Variants in RALGAPB observed in about 807,000 individuals in gnomAD.
RALGAPB encodes the protein ral GTPase-activating protein subunit beta.
RALGAPB carries 25 observed loss-of-function variants against 161.1 expected under a neutral mutation model. That is an observed-to-expected ratio of 0.16 (90% confidence interval 0.11 to 0.22). The LOEUF is 0.22. Among genes scored for constraint, RALGAPB ranks in the 10% least tolerant of loss-of-function variants. RALGAPB has a pLI of 1.00. For synonymous variants in RALGAPB, 629 were observed against 626.1 expected, an observed-to-expected ratio of 1.00 and a Z score of -0.07; for missense variants, 1,391 against 1,815.2, an observed-to-expected ratio of 0.77 and a Z score of 4.25.
At position 38,578,793 on chromosome 20, in the gene RALGAPB, A is replaced by G. The variant is rs1020126170; in HGVS notation, c.*3826A>G. On this transcript the variant is annotated 3_prime_UTR_variant, in exon 30 of 30. Transcript: ENST00000262879. ...TATTTATGCCGATCCTTTGTCCAGA[A>G]GAAGCCCATGGAATATTGAATGTAA... 10 of 152,660 alleles carry G rather than the reference A, an allele frequency of 6.6e-5. No homozygotes were observed. The highest frequency in any genetic ancestry group is 2.4e-4 in the African/African-American group (10 of 41,448). The allele number at this position is 152,660 out of a possible 1,614,324, so 9.5% of individuals were successfully genotyped here. A position where few individuals can be genotyped will look rare whatever the true frequency, so the allele number is the denominator to read the frequency against.
intron 17 of RALGAPB, among the ~76,000 whole-genome samples, chr20:38,540,695 GTC>G (rs999644551): frequency 6.6e-6 from 1 of 152,028 alleles, no homozygotes; most frequent in Non-Finnish European, 1.5e-5. Flanking sequence ...GATGGTGTCT[GTC>G]TCTCTGTGGT....
rs769352197 is a variant in RALGAPB at position 38,524,876 on chromosome 20, G to C, written c.1718G>C (p.Cys573Ser). The C allele has an allele frequency of 2.5e-6, 4 of 1,610,406 alleles. No homozygotes were observed. Among genetic ancestry groups the C allele is most frequent in the Non-Finnish European group, 3.4e-6 (4 of 1,176,546 alleles). ...CTAAACTCTCCTCCTTTGTTCTGCT[G>C]TGACTTGAAAGGGATTGATGTTGTG... ...VILNSPPLFCCDLKGIDVVVP... is the reference protein window; with the variant it reads ...VILNSPPLFCSDLKGIDVVVP... The change falls in exon 11 of 30, where the codon TGT becomes TCT. Residue 573 changes from cysteine to serine, a missense_variant. Cys to Ser is a moderately radical substitution (Grantham distance 112). Coordinates refer to ENST00000262879, the MANE Select transcript of RALGAPB (RefSeq NM_020336.4).
At chr20:38,557,272 C>A (rs2087616856) in intron 22 of RALGAPB, among the ~76,000 whole-genome samples, 1 of 152,194 alleles carries the variant, frequency 6.6e-6, no homozygotes, top group Non-Finnish European at 1.5e-5. Flanking sequence ...AGCTGTCATA[C>A]ACCTTCCCCA....
chr20:38,530,992 C>G (rs1453133454), intron 13 of RALGAPB, among the ~76,000 whole-genome samples, 175 bp from the exon 14 acceptor site: 1 of 150,818 alleles, frequency 6.6e-6, no homozygotes, highest in African/African-American at 2.4e-5. Flanking sequence ...TTGAAAAAAA[C>G]CTGCATATGT....
intron 5 of RALGAPB, 54 bp from the exon 6 acceptor site, chr20:38,509,023 T>C (rs2085854457): frequency 1.3e-6 from 2 of 1,570,766 alleles, no homozygotes; most frequent in Admixed American, 3.4e-5. Flanking sequence ...TATGCTTGAG[T>C]GTATTTTTCA....
chr20:38,521,459 A>G, intron 9 of RALGAPB, 38 bp from the exon 10 acceptor site: 1 of 1,612,034 alleles, frequency 6.2e-7, no homozygotes, highest in Non-Finnish European at 8.5e-7. Flanking sequence ...TACGTGGCAT[A>G]TTGCAAATAT....
chr20:38,508,187 A>G (rs140247288), intron 5 of RALGAPB, among the ~76,000 whole-genome samples: 26 of 151,912 alleles, frequency 1.7e-4, no homozygotes, highest in Non-Finnish European at 3.5e-4. Flanking sequence ...TATGTCAAAC[A>G]TATTACATAT....
intron 1 of RALGAPB, 84 bp downstream of exon 1, chr20:38,473,153 AGGCTTGTTTCTC>A (rs1481159070): frequency 1.8e-5 from 6 of 327,836 alleles, no homozygotes; most frequent in Non-Finnish European, 3.3e-5. Context: ...GGGACGGCTG[AGGCTTGTTTCTC>A]GGCTCTGGGT....
At chr20:38,560,351 ATAT>A (rs1380774346) in intron 23 of RALGAPB, among the ~76,000 whole-genome samples, 1 of 152,232 alleles carries the variant, frequency 6.6e-6, no homozygotes. Context: ...GGAGGAAAAG[ATAT>A]TCTAGCTGGT....
Position 38,539,763 on chromosome 20 carries a change from T to C in RALGAPB, c.2380-13T>C, listed in dbSNP as rs745996232. The C allele has an allele frequency of 3.7e-6, 6 of 1,607,214 alleles. No individual in the cohort carries two copies. The highest frequency in any genetic ancestry group is 2.6e-6 in the Non-Finnish European group (3 of 1,175,170). On this transcript the variant is annotated splice_polypyrimidine_tract_variant and intron_variant, in intron 16 of 29. Coordinates refer to ENST00000262879, the MANE Select transcript of RALGAPB (RefSeq NM_020336.4). Reference sequence around the variant, plus strand: ...TGGCTGATTGTTTTTGTTCTCCAAATGAATATGCTCAGGTAAAAGTGATGG... The same window carrying C: ...TGGCTGATTGTTTTTGTTCTCCAAACGAATATGCTCAGGTAAAAGTGATGG...
At chr20:38,502,601 T>G (rs2085628430) in intron 5 of RALGAPB, among the ~76,000 whole-genome samples, 1 of 152,204 alleles carries the variant, frequency 6.6e-6, no homozygotes, top group African/African-American at 2.4e-5. Context: ...GATTTTTTTT[T>G]GTTTGAGACA....
chr20:38,503,404 C>G (rs2085653827), intron 5 of RALGAPB, among the ~76,000 whole-genome samples: 1 of 152,106 alleles, frequency 6.6e-6, no homozygotes, highest in African/African-American at 2.4e-5. Context: ...GAAGTTGATT[C>G]CAACCCTAAT....
At chr20:38,477,812 T>C (rs2084852213) in intron 1 of RALGAPB, among the ~76,000 whole-genome samples, 1 of 152,132 alleles carries the variant, frequency 6.6e-6, no homozygotes, top group Non-Finnish European at 1.5e-5. Context: ...GTTTTACAGA[T>C]GAGGAAACTA....
At chr20:38,548,592 G>A in intron 19 of RALGAPB, 97 bp from the exon 20 acceptor site, 1 of 931,614 alleles carries the variant, frequency 1.1e-6, no homozygotes, top group Non-Finnish European at 1.6e-6. Context: ...AAACACTGTT[G>A]GGCCTTTGAT....
chr20:38,484,015 C>T (rs56047314), intron 1 of RALGAPB, among the ~76,000 whole-genome samples: 1 of 151,982 alleles, frequency 6.6e-6, no homozygotes, highest in Non-Finnish European at 1.5e-5. Flanking sequence ...ATGGTGAATA[C>T]TAAAAATACA....
At chr20:38,478,232 G>T (rs1422998804) in intron 1 of RALGAPB, among the ~76,000 whole-genome samples, 2 of 152,230 alleles carry the variant, frequency 1.3e-5, no homozygotes, top group Admixed American at 1.3e-4. Context: ...TCTTGTCCCA[G>T]ATCCGCTGTT....
At chr20:38,478,577 C>T (rs1331662179) in intron 1 of RALGAPB, among the ~76,000 whole-genome samples, 1 of 151,986 alleles carries the variant, frequency 6.6e-6, no homozygotes, top group Non-Finnish European at 1.5e-5. Context: ...GCCGCCACCA[C>T]ACCCGGCTAA....
At chr20:38,520,524 C>CTTTTTT (rs775371608) in intron 9 of RALGAPB, among the ~76,000 whole-genome samples, 5 of 70,320 alleles carry the variant, frequency 7.1e-5, no homozygotes, top group East Asian at 4.1e-4. Context: ...TGTGTTTTGG[C>CTTTTTT]TTTTTTTTTT....
intron 25 of RALGAPB, 130 bp from the exon 26 acceptor site, chr20:38,566,966 C>T: frequency 2.1e-6 from 3 of 1,418,552 alleles, no homozygotes; most frequent in Non-Finnish European, 2.8e-6. Context: ...AAAAGTTTGT[C>T]AGCCCTTGCT....
Sources: gnomAD v4.1 joint callset for allele counts (sites outside exome capture counted in the v4.1 genomes callset) on GRCh38, gnomAD v4.1.1 for gene constraint, MANE v1.5 for transcripts, NCBI Gene and HGNC (gene_info 2026-07-23, HGNC 2026-07-21) for gene names.